CTNND2: variants seen among roughly 807,000 people sequenced by gnomAD.
CTNND2 encodes the protein catenin delta-2.
Under a neutral mutation model 144.4 loss-of-function variants are expected in CTNND2, and 22 were observed. That is an observed-to-expected ratio of 0.15 (90% CI 0.11 to 0.22). The LOEUF is 0.22. CTNND2 is among the 10% of genes least tolerant of loss of function. The pLI, the probability that CTNND2 is intolerant of heterozygous loss-of-function variation, is 1.00. For synonymous variants in CTNND2, 751 were observed against 695.6 expected (o/e 1.08, Z -1.25); for missense variants, 1,353 against 1,618.8 (o/e 0.84, Z 2.82).
At chr5:11,238,286 AGG>A (rs1173672862) in intron 9 of CTNND2, among the ~76,000 whole-genome samples, 1 of 152,160 alleles carries the variant, frequency 6.6e-6, no homozygotes, top group Non-Finnish European at 1.5e-5. Context: ...AAGCCACCAA[AGG>A]GCACTATTTA....
At position 11,128,876 on chromosome 5, in the gene CTNND2, T is replaced by TATAAATAC. The variant is rs1561350315; in HGVS notation, c.2160-11310_2160-11309insGTATTTAT. Among the ~76,000 whole-genome samples the TATAAATAC allele has an allele frequency of 6.2e-5, 4 of 64,154 alleles. 1 individual carries two copies. The South Asian group carries it at 1.2e-3, about 19-fold the overall frequency. The allele number at this position is 64,154 out of a possible 152,430, so 42.1% of individuals were successfully genotyped here. A position where few individuals can be genotyped will look rare whatever the true frequency, so the allele number is the denominator to read the frequency against. ...ATATAATATATATAATATATAAATA[T>TATAAATAC]ATAATACATAAATATATATTACATA... On this transcript the variant is annotated intron_variant, in intron 12 of 21. Coordinates refer to ENST00000304623, the MANE Select transcript of CTNND2 (RefSeq NM_001332.4).
At chr5:11,472,873 A>G (rs1270660148) in intron 3 of CTNND2, among the ~76,000 whole-genome samples, 1 of 152,180 alleles carries the variant, frequency 6.6e-6, no homozygotes. Context: ...CTCGTCTAAG[A>G]GGAGAGACCT....
At chr5:11,810,328 C>A (rs1792256707) in intron 1 of CTNND2, among the ~76,000 whole-genome samples, 1 of 151,940 alleles carries the variant, frequency 6.6e-6, no homozygotes, top group Non-Finnish European at 1.5e-5. Context: ...GAAGAAAGGG[C>A]TTCATGAAGG....
rs1198333261 is a variant in CTNND2, at chr5:11,456,316, C to T, written c.288-44247G>A. Among the ~76,000 whole-genome samples the T allele has an allele frequency of 2.5e-4, 35 of 139,772 alleles. 1 individual carries two copies. Among genetic ancestry groups the T allele is most frequent in the African/African-American group, 5.4e-4 (21 of 38,740 alleles). The allele number at this position is 139,772 out of a possible 152,430, so 91.7% of individuals were successfully genotyped here. A position where few individuals can be genotyped will look rare whatever the true frequency, so the allele number is the denominator to read the frequency against. Reference sequence around the variant, plus strand: ...TTTTTTTTCTTTTGCCTTTTTGATGCTTTTTTTTTTTTTGGTGTGCAAAAG... The same window carrying T: ...TTTTTTTTCTTTTGCCTTTTTGATGTTTTTTTTTTTTTTGGTGTGCAAAAG... On this transcript the variant is annotated intron_variant, in intron 3 of 21. Transcript: ENST00000304623.
intron 2 of CTNND2, among the ~76,000 whole-genome samples, chr5:11,604,234 C>T (rs1170099142): frequency 6.6e-6 from 1 of 152,170 alleles, no homozygotes; most frequent in East Asian, 1.9e-4. Flanking sequence ...TTCATTTATG[C>T]AGCAATGAGC....
intron 9 of CTNND2, among the ~76,000 whole-genome samples, chr5:11,242,033 G>A (rs1742508348): frequency 6.6e-6 from 1 of 152,008 alleles, no homozygotes; most frequent in African/African-American, 2.4e-5. Context: ...GGGAACAGGG[G>A]GAGTTGGAGC....
chr5:11,098,571 A>AT lies in CTNND2; in HGVS notation c.2637+3dup. On this transcript the variant is annotated splice_donor_region_variant and intron_variant, in intron 15 of 21. Transcript: ENST00000304623. ...TTCTTTTTATTGTAATGAACTGGCCATACCTTCCAGCTCCCTGCAGCCAAG... is the reference window on the plus strand; with the variant it reads ...TTCTTTTTATTGTAATGAACTGGCCATTACCTTCCAGCTCCCTGCAGCCAAG... 1 of 1,613,308 alleles carries AT rather than the reference A, an allele frequency of 6.2e-7. No homozygotes were observed. Among genetic ancestry groups the AT allele is most frequent in the Non-Finnish European group, 8.5e-7 (1 of 1,179,734 alleles).
intron 18 of CTNND2, 125 bp from the exon 19 acceptor site, chr5:10,992,802 G>A (rs970094866): frequency 7.8e-7 from 1 of 1,290,108 alleles, no homozygotes; most frequent in Admixed American, 2.1e-5. Flanking sequence ...AGAGGTTCTT[G>A]AAGTTCTGCG....
chr5:11,493,101 C>A (rs1311483379), intron 3 of CTNND2, among the ~76,000 whole-genome samples: 1 of 152,072 alleles, frequency 6.6e-6, no homozygotes, highest in African/African-American at 2.4e-5. Flanking sequence ...CGGAGTGAGA[C>A]TCTGTCTCAA....
At chr5:11,114,929 G>A (rs1264963358) in intron 13 of CTNND2, among the ~76,000 whole-genome samples, 2 of 152,054 alleles carry the variant, frequency 1.3e-5, no homozygotes, top group Non-Finnish European at 2.9e-5. Context: ...TCCAGCCAGT[G>A]AAGCACCTGC....
intron 3 of CTNND2, among the ~76,000 whole-genome samples, chr5:11,532,799 T>C (rs761841990): frequency 6.6e-6 from 1 of 152,234 alleles, no homozygotes; most frequent in Non-Finnish European, 1.5e-5. Context: ...AATTTTTACA[T>C]GATCAAGGAT....
At chr5:11,107,298 A>G (rs1752520591) in intron 14 of CTNND2, among the ~76,000 whole-genome samples, 1 of 152,232 alleles carries the variant, frequency 6.6e-6, no homozygotes, top group African/African-American at 2.4e-5. Context: ...ACTTTGTCTG[A>G]AATGAGAAGA....
intron 2 of CTNND2, among the ~76,000 whole-genome samples, chr5:11,718,425 T>C (rs1319962799): frequency 6.6e-6 from 1 of 152,098 alleles, no homozygotes; most frequent in East Asian, 1.9e-4. Context: ...CCTTCTCCAT[T>C]CACGGACAAT....
intron 3 of CTNND2, among the ~76,000 whole-genome samples, chr5:11,470,954 G>GCATATATATATATATATATATA (rs1767127551): frequency 1.6e-5 from 1 of 63,244 alleles, no homozygotes; most frequent in Non-Finnish European, 3.3e-5. Context: ...TTGATACAAA[G>GCATATATATATATATATATATA]TATATATATA....
intron 1 of CTNND2, among the ~76,000 whole-genome samples, chr5:11,841,296 CA>C (rs1348534351): frequency 6.6e-6 from 1 of 151,942 alleles, no homozygotes; most frequent in African/African-American, 2.4e-5. Flanking sequence ...TAAAGATCAG[CA>C]TTTAATCTCA....
At chr5:11,628,974 GATA>G (rs1359112929) in intron 2 of CTNND2, among the ~76,000 whole-genome samples, 1 of 152,164 alleles carries the variant, frequency 6.6e-6, no homozygotes, top group East Asian at 1.9e-4. Flanking sequence ...TAATTTGTGA[GATA>G]ATAAATTCCT....
chr5:11,297,046 A>C (rs1749099495), intron 9 of CTNND2, among the ~76,000 whole-genome samples: 1 of 152,214 alleles, frequency 6.6e-6, no homozygotes, highest in African/African-American at 2.4e-5. Flanking sequence ...AATATTAATG[A>C]ATATGACTTT....
intron 3 of CTNND2, among the ~76,000 whole-genome samples, chr5:11,530,777 A>G (rs1773681920): frequency 6.6e-6 from 1 of 152,136 alleles, no homozygotes; most frequent in Non-Finnish European, 1.5e-5. Flanking sequence ...TCCCTTTTGT[A>G]CTTAGCAAAC....
chr5:11,089,928 G>C (rs1750587391), intron 15 of CTNND2, among the ~76,000 whole-genome samples: 2 of 152,144 alleles, frequency 1.3e-5, no homozygotes, highest in African/African-American at 4.8e-5. Flanking sequence ...AGAATCCCTT[G>C]AACCAGGGAG....
Sources: gnomAD v4.1 joint callset for allele counts (sites outside exome capture counted in the v4.1 genomes callset) on GRCh38, gnomAD v4.1.1 for gene constraint, MANE v1.5 for transcripts, NCBI Gene and HGNC (gene_info 2026-07-23, HGNC 2026-07-21) for gene names.